The following ZNF385D variants were observed in gnomAD, a reference collection of about 807,000 sequenced individuals.
ZNF385D encodes zinc finger protein 385D.
In ZNF385D, 15 loss-of-function variants were observed where a neutral mutation model predicts 35.8. The ratio of observed to expected loss-of-function variants is 0.42; its 90% CI spans 0.28 to 0.64. ZNF385D has a LOEUF of 0.64. Among genes scored for constraint, ZNF385D ranks in the 30% least tolerant of loss-of-function variants. ZNF385D has a pLI of 0.23. For synonymous variants in ZNF385D, 212 were observed against 186.8 expected, an observed-to-expected ratio of 1.13 and a Z score of -1.10; for missense variants, 474 against 494.6, an observed-to-expected ratio of 0.96 and a Z score of 0.39.
At chr3:21,873,752 G>T (rs936216324) in intron 3 of ZNF385D, among the ~76,000 whole-genome samples, 1 of 152,028 alleles carries the variant, frequency 6.6e-6, no homozygotes, top group Non-Finnish European at 1.5e-5. Context: ...TTTGTGACTG[G>T]TTTATTTCAC....
intron 1 of ZNF385D, among the ~76,000 whole-genome samples, chr3:21,707,799 T>C (rs773020606): frequency 6.6e-5 from 10 of 152,214 alleles, no homozygotes; most frequent in Non-Finnish European, 4.4e-5. Context: ...TTGATCGGTC[T>C]TCAAAGATGG....
Position 22,066,461 on chromosome 3 carries a change from CGTGTGT to C in ZNF385D, c.325+102350_325+102355del, listed in dbSNP as rs10627614. Among the ~76,000 whole-genome samples the C allele has an allele frequency of 3.1e-3, 306 of 98,184 alleles. 2 individuals are homozygous for C. Among genetic ancestry groups the C allele is most frequent in the East Asian group, 0.03 (96 of 3,220 alleles). The allele number at this position is 98,184 out of a possible 152,430, so 64.4% of individuals were successfully genotyped here. On this transcript the variant is annotated intron_variant, in intron 3 of 5. Transcript: ENST00000494108. ...AAAGATACTGGGTGAGATGGTTCCC[CGTGTGT>C]GTGTGTGTGTGTGTGTGTGTGTGTG... is the stretch of plus-strand genomic sequence containing the variant.
chr3:21,761,586 G>A (rs2070610603), intron 3 of ZNF385D, among the ~76,000 whole-genome samples: 1 of 152,056 alleles, frequency 6.6e-6, no homozygotes, highest in South Asian at 2.1e-4. Flanking sequence ...AACATAGAGA[G>A]GTGAGAGAAG....
chr3:22,284,199 G>GT (rs1470948366), intron 2 of ZNF385D, among the ~76,000 whole-genome samples: 1 of 151,586 alleles, frequency 6.6e-6, no homozygotes, highest in Non-Finnish European at 1.5e-5. Context: ...GTTTGTTTTT[G>GT]TTTTTGTTTT....
chr3:22,109,366 T>C (rs765830207), intron 3 of ZNF385D, among the ~76,000 whole-genome samples: 10 of 152,344 alleles, frequency 6.6e-5, no homozygotes, highest in African/African-American at 2.4e-4. Flanking sequence ...CATGGACATT[T>C]AATGTAAGTC....
intron 1 of ZNF385D, among the ~76,000 whole-genome samples, chr3:21,736,457 CT>C (rs770712060): frequency 4.9e-4 from 75 of 152,310 alleles, no homozygotes; most frequent in Middle Eastern, 3.4e-3. Flanking sequence ...TGCCCACCGA[CT>C]GTTTAAAGAA....
chr3:21,807,257 C>G (rs1227997537), intron 3 of ZNF385D, among the ~76,000 whole-genome samples: 1 of 152,156 alleles, frequency 6.6e-6, no homozygotes, highest in Non-Finnish European at 1.5e-5. Context: ...TCTGAGAAAT[C>G]TGATTTACAT....
Position 21,890,604 on chromosome 3 carries a change from G to C in ZNF385D, c.326-225576C>G, listed in dbSNP as rs1389862478. On this transcript the variant is annotated intron_variant, in intron 3 of 5. Transcript: ENST00000494108. Reference sequence around the variant, plus strand: ...ACTGCACTCCAGCCTGGGTGACAGAGTGAGACTCCGTCTCAGAAAAGAAAA... The same window carrying C: ...ACTGCACTCCAGCCTGGGTGACAGACTGAGACTCCGTCTCAGAAAAGAAAA... Among the ~76,000 whole-genome samples the C allele has an allele frequency of 2.6e-5, 4 of 152,280 alleles. No individual in the cohort carries two copies. The East Asian group carries it at 7.7e-4, about 29-fold the overall frequency.
intron 1 of ZNF385D, among the ~76,000 whole-genome samples, chr3:21,741,516 A>G (rs7428718): frequency 0.2 from 30,209 of 152,118 alleles, 3,086 homozygotes; most frequent in Middle Eastern, 0.33. Flanking sequence ...AGCAGTTACC[A>G]TGGTGGTACC....
intron 3 of ZNF385D, among the ~76,000 whole-genome samples, chr3:22,038,001 G>A (rs370390235): frequency 1.3e-5 from 2 of 152,142 alleles, no homozygotes; most frequent in Non-Finnish European, 2.9e-5. Context: ...TTAATAAATG[G>A]TGCTGGGAAA....
intron 3 of ZNF385D, among the ~76,000 whole-genome samples, chr3:21,797,067 CAA>C (rs2072186410): frequency 6.6e-6 from 1 of 152,122 alleles, no homozygotes; most frequent in African/African-American, 2.4e-5. Flanking sequence ...AAAAATAAGT[CAA>C]GACGTATTTG....
At chr3:22,276,778 A>G (rs1012579863) in intron 2 of ZNF385D, among the ~76,000 whole-genome samples, 1 of 152,136 alleles carries the variant, frequency 6.6e-6, no homozygotes, top group Non-Finnish European at 1.5e-5. Context: ...TCCAATGCAA[A>G]ACTCAATGTA....
chr3:21,659,151 CATT>C (rs2066161195), intron 2 of ZNF385D, among the ~76,000 whole-genome samples: 1 of 152,054 alleles, frequency 6.6e-6, no homozygotes, highest in African/African-American at 2.4e-5. Flanking sequence ...TTGTCAGACA[CATT>C]ATCAGTGCTT....
At chr3:21,701,442 C>T (rs939962963) in intron 1 of ZNF385D, among the ~76,000 whole-genome samples, 1 of 152,112 alleles carries the variant, frequency 6.6e-6, no homozygotes, top group African/African-American at 2.4e-5. Flanking sequence ...GTCCCTCCCA[C>T]AACATATGGG....
chr3:22,345,892 A>G (rs962363737), intron 2 of ZNF385D, among the ~76,000 whole-genome samples: 2 of 152,320 alleles, frequency 1.3e-5, no homozygotes, highest in East Asian at 1.9e-4. Flanking sequence ...AAGTCAGGGC[A>G]TCTCTGAGGG....
intron 3 of ZNF385D, among the ~76,000 whole-genome samples, chr3:21,991,631 C>T (rs778945067): frequency 5.9e-5 from 9 of 152,184 alleles, no homozygotes; most frequent in Non-Finnish European, 1.2e-4. Flanking sequence ...AGACAAAGAA[C>T]TGTATTATGG....
rs1342261452 is a variant in ZNF385D at position 21,504,376 on chromosome 3, C to T, written c.439+6485G>A. 4.6e-5 allele frequency among the ~76,000 whole-genome samples: 7 copies of T among 152,118 alleles called. No individual in the cohort carries two copies. The South Asian group carries it at 6.2e-4, about 14-fold the overall frequency. ...CAGAATCCCCTGTTTTAATGAGAAC[C>T]GCTGTTCTTTCGTGAAACCACCTAT... On this transcript the variant is annotated intron_variant, in intron 4 of 7. Transcript: ENST00000281523.
intron 3 of ZNF385D, among the ~76,000 whole-genome samples, chr3:22,122,336 C>G (rs113357179): frequency 4.6e-5 from 7 of 151,806 alleles, no homozygotes; most frequent in African/African-American, 1.5e-4. Context: ...TGTTTTTTTT[C>G]CACTGTAATT....
chr3:21,595,985 T>C (rs573893370), intron 2 of ZNF385D, among the ~76,000 whole-genome samples: 42 of 152,340 alleles, frequency 2.8e-4, no homozygotes, highest in African/African-American at 9.9e-4. Flanking sequence ...CTCTTTAATC[T>C]AGAAGCACAA....
Sources: allele counts gnomAD v4.1 joint callset (sites outside exome capture counted in the v4.1 genomes callset), GRCh38; gene constraint gnomAD v4.1.1; transcripts MANE v1.5; gene names NCBI Gene and HGNC (gene_info 2026-07-23, HGNC 2026-07-21).